ATP2C1: variants seen among roughly 807,000 people sequenced by gnomAD.
The protein encoded by ATP2C1 is calcium-transporting ATPase type 2C member 1.
Under a neutral mutation model 120.5 loss-of-function variants are expected in ATP2C1, and 31 were observed. The observed-to-expected ratio is 0.26, with a 90% confidence interval of 0.19 to 0.35. The LOEUF (loss-of-function observed/expected upper bound fraction) is 0.35. Among genes scored for constraint, ATP2C1 ranks in the 10% least tolerant of loss-of-function variants. The pLI, the probability that ATP2C1 is intolerant of heterozygous loss-of-function variation, is 1.00. For synonymous variants in ATP2C1, 351 were observed against 358.7 expected, an observed-to-expected ratio of 0.98 and a Z score of 0.24; for missense variants, 731 against 1,107.5, an observed-to-expected ratio of 0.66 and a Z score of 4.83.
At chr3:130,998,941 G>A (rs773963992) in intron 26 of ATP2C1, among the ~76,000 whole-genome samples, 5 of 152,086 alleles carry the variant, frequency 3.3e-5, no homozygotes, top group Non-Finnish European at 7.4e-5. Context: ...AGAGCATATT[G>A]TCCTTAAAAA....
At chr3:130,984,641 T>G (rs1250155897) in intron 20 of ATP2C1, among the ~76,000 whole-genome samples, 3 of 152,188 alleles carry the variant, frequency 2.0e-5, no homozygotes, top group South Asian at 2.1e-4. Context: ...TCCTGAAAGA[T>G]GTAATCTCTA....
chr3:131,001,414 A>C lies in ATP2C1; in HGVS notation c.*64A>C. 1.3e-6 allele frequency: 2 copies of C among 1,585,840 alleles called. No homozygotes were observed. The highest frequency in any genetic ancestry group is 2.3e-5 in the South Asian group (2 of 87,602). The stretch of plus-strand genomic sequence containing the variant: ...AGTCTGAGGATCATTTAGAAGGGCA[A>C]GTTCAAGAGGATATGAAGATTTGAG... On this transcript the variant is annotated 3_prime_UTR_variant, in exon 28 of 28. Coordinates refer to ENST00000510168, the MANE Select transcript of ATP2C1 (RefSeq NM_001378687.1).
At chr3:130,989,554 A>C (rs1027840486) in intron 20 of ATP2C1, among the ~76,000 whole-genome samples, 12 of 126,734 alleles carry the variant, frequency 9.5e-5, no homozygotes, top group Non-Finnish European at 2.0e-4. Flanking sequence ...AACAAGAGCG[A>C]AACTCCATCT....
intron 5 of ATP2C1, among the ~76,000 whole-genome samples, chr3:130,936,203 G>A (rs2059662470): frequency 6.6e-6 from 1 of 151,590 alleles, no homozygotes; most frequent in African/African-American, 2.4e-5. Flanking sequence ...CAACAAATGT[G>A]TGTTTTTTTT....
chr3:130,968,874 C>T (rs761637050), intron 16 of ATP2C1, among the ~76,000 whole-genome samples: 3 of 152,060 alleles, frequency 2.0e-5, no homozygotes, highest in Non-Finnish European at 2.9e-5. Context: ...GGGTAAGGGA[C>T]TAGGATGATA....
At chr3:131,010,850 A>T (rs1258236536) in intron 26 of ATP2C1, among the ~76,000 whole-genome samples, 1 of 152,102 alleles carries the variant, frequency 6.6e-6, no homozygotes. Context: ...TAATCTTTGT[A>T]CTGCTTAACA....
intron 2 of ATP2C1, among the ~76,000 whole-genome samples, chr3:130,911,695 C>T (rs1307255055): frequency 6.6e-6 from 1 of 152,132 alleles, no homozygotes; most frequent in Non-Finnish European, 1.5e-5. Context: ...TTTACAGATT[C>T]AGTGCCATCC....
chr3:131,008,707 G>A (rs566999975), intron 26 of ATP2C1, among the ~76,000 whole-genome samples: 10 of 152,144 alleles, frequency 6.6e-5, no homozygotes, highest in African/African-American at 2.4e-4. Flanking sequence ...AGGAAAATAG[G>A]CCCTGTACCT....
Position 130,998,442 on chromosome 3 carries a change from T to C in ATP2C1, c.2487+53T>C, listed in dbSNP as rs2062732527. Reference sequence around the variant, plus strand: ...ACTTGATTGACTCACTTGAGTAGAGTGCTTTCTAATAAGTAGGCAAAGATT... The same window carrying C: ...ACTTGATTGACTCACTTGAGTAGAGCGCTTTCTAATAAGTAGGCAAAGATT... On this transcript the variant is annotated intron_variant, in intron 26 of 27. Transcript: ENST00000510168. 2.3e-6 allele frequency: 3 copies of C among 1,326,290 alleles called. No homozygotes were observed. In the South Asian group the frequency reaches 3.5e-5, roughly 16 times the overall value. The allele number at this position is 1,326,290 out of a possible 1,614,324, so 82.2% of individuals were successfully genotyped here.
In ATP2C1 at chr3:130,894,126, G is replaced by A. The variant is rs757658239; in HGVS notation, c.-392G>A. 1,307 of 965,734 alleles carry A rather than the reference G, an allele frequency of 1.4e-3. 2 individuals carry two copies. The highest frequency in any genetic ancestry group is 1.5e-3 in the Non-Finnish European group (1,221 of 812,210). 59.8% of individuals were successfully genotyped at this position (965,734 alleles called of 1,614,324 possible). A position where few individuals can be genotyped will look rare whatever the true frequency, so the allele number is the denominator to read the frequency against. ...CGGAGCCGGCCCGGCGGACCGTGACGGGTCCCCTCACCTCCTCTTCTCTCC... is the reference window on the plus strand; with the variant it reads ...CGGAGCCGGCCCGGCGGACCGTGACAGGTCCCCTCACCTCCTCTTCTCTCC... On this transcript the variant is annotated 5_prime_UTR_variant, in exon 1 of 28. Transcript: ENST00000510168. This position sits in a 1 kb window ranked among gnomAD's most constrained non-coding sequence, Gnocchi z 4.5.
chr3:130,856,873 A>T (rs2067858149), intron 1 of ATP2C1, among the ~76,000 whole-genome samples: 1 of 152,240 alleles, frequency 6.6e-6, no homozygotes, highest in South Asian at 2.1e-4. Flanking sequence ...CTAGTGTTCC[A>T]TTATTGGAAC....
At chr3:130,911,697 G>T (rs976220117) in intron 2 of ATP2C1, among the ~76,000 whole-genome samples, 5 of 152,048 alleles carry the variant, frequency 3.3e-5, no homozygotes, top group Non-Finnish European at 7.4e-5. Context: ...TACAGATTCA[G>T]TGCCATCCCC....
intron 2 of ATP2C1, among the ~76,000 whole-genome samples, chr3:130,907,568 A>C (rs1039250969): frequency 3.3e-5 from 5 of 152,014 alleles, no homozygotes; most frequent in African/African-American, 1.2e-4. Context: ...GTCAAAAATC[A>C]ATTGACCAGA....
Position 130,986,919 on chromosome 3 carries a change from TTTAG to T in ATP2C1, c.1840-6025_1840-6022del, listed in dbSNP as rs1387438176. On this transcript the variant is annotated intron_variant, in intron 20 of 27. Transcript: ENST00000510168. ...TTTAGTTTAGTTTAGTTTAGTTTAGTTTAGTTAGTTTAGTTTAGTTTAGTTTAGT... is the reference window on the plus strand; with the variant it reads ...TTTAGTTTAGTTTAGTTTAGTTTAGTTTAGTTTAGTTTAGTTTAGTTTAGT... 2.3e-3 allele frequency among the ~76,000 whole-genome samples: 7 copies of T among 3,078 alleles called. No individual in the cohort carries two copies. In the South Asian group the frequency reaches 0.048, roughly 21 times the overall value. The allele number at this position is 3,078 out of a possible 152,430, so 2.0% of individuals were successfully genotyped here.
rs115100623 is a variant in ATP2C1, at chr3:130,940,486, G to A, written c.361-144G>A. Reference sequence around the variant, plus strand: ...TTTAACATTTTAAAATAAGGGACAAGCTTTTCTGGGTAAGAATATAAGCAC... The same window carrying A: ...TTTAACATTTTAAAATAAGGGACAAACTTTTCTGGGTAAGAATATAAGCAC... On this transcript the variant is annotated intron_variant, in intron 6 of 27. Coordinates refer to ENST00000510168, the MANE Select transcript of ATP2C1 (RefSeq NM_001378687.1). The A allele has an allele frequency of 9.2e-3, 5,926 of 647,576 alleles. 261 individuals are homozygous for A. The African/African-American group carries it at 0.094, about 10-fold the overall frequency. The allele number at this position is 647,576 out of a possible 1,614,324, so 40.1% of individuals were successfully genotyped here. A position where few individuals can be genotyped will look rare whatever the true frequency, so the allele number is the denominator to read the frequency against.
intron 14 of ATP2C1, among the ~76,000 whole-genome samples, chr3:130,966,753 C>G (rs975459202): frequency 1.3e-5 from 2 of 152,136 alleles, no homozygotes; most frequent in African/African-American, 4.8e-5. Context: ...AAAAAGAATA[C>G]TGCTTTTGTC....
At chr3:130,855,114 T>C (rs2067795279) in intron 1 of ATP2C1, among the ~76,000 whole-genome samples, 1 of 152,214 alleles carries the variant, frequency 6.6e-6, no homozygotes, top group South Asian at 2.1e-4. Context: ...ATTCTCCATC[T>C]TCACCCTTCT....
At chr3:130,908,712 A>G (rs2058256803) in intron 2 of ATP2C1, among the ~76,000 whole-genome samples, 1 of 152,004 alleles carries the variant, frequency 6.6e-6, no homozygotes, top group Non-Finnish European at 1.5e-5. Context: ...GGAATAAAAT[A>G]TTTGTTTTTT....
intron 24 of ATP2C1, 43 bp from the exon 25 acceptor site, chr3:130,997,563 C>T (rs781155153): frequency 1.0e-5 from 16 of 1,588,218 alleles, no homozygotes; most frequent in Middle Eastern, 2.2e-4. Context: ...CAAATCCAGA[C>T]CTTAAAACTT....
Sources: gnomAD v4.1 joint callset for allele counts (sites outside exome capture counted in the v4.1 genomes callset) on GRCh38, gnomAD v4.1.1 for gene constraint, Gnocchi (gnomAD v3.1) non-coding constraint, MANE v1.5 for transcripts, NCBI Gene and HGNC (gene_info 2026-07-23, HGNC 2026-07-21) for gene names.